The following BRCA1 variants were observed in gnomAD, a reference collection of about 807,000 sequenced individuals.
BRCA1 encodes the protein BRCA1 DNA repair associated, also known as breast cancer type 1 susceptibility protein.
A neutral mutation model predicts 173.7 loss-of-function variants in BRCA1; 140 were observed. That is an observed-to-expected ratio of 0.81 (90% CI 0.70 to 0.93). The LOEUF (loss-of-function observed/expected upper bound fraction) is 0.93. Among genes scored for constraint, BRCA1 ranks in the 40% least tolerant of loss-of-function variants. The pLI, the probability that BRCA1 is intolerant of heterozygous loss-of-function variation, is 0.00. For synonymous variants in BRCA1, 662 were observed against 756.0 expected, an observed-to-expected ratio of 0.88 and a Z score of 2.04; for missense variants, 1,983 against 2,172.5, an observed-to-expected ratio of 0.91 and a Z score of 1.73.
At chr17:43,117,295 A>C (rs2055339463) in intron 2 of BRCA1, among the ~76,000 whole-genome samples, 1 of 152,106 alleles carries the variant, frequency 6.6e-6, no homozygotes, top group Non-Finnish European at 1.5e-5. Flanking sequence ...TACAAAAATT[A>C]GCCGGGCGTG....
intron 1 of BRCA1, among the ~76,000 whole-genome samples, chr17:43,146,299 C>CTTTTTTT (rs774223347): frequency 5.3e-5 from 4 of 76,116 alleles, no homozygotes; most frequent in Non-Finnish European, 7.0e-5. Flanking sequence ...ATTTTTGTTA[C>CTTTTTTT]TTTTTTTTTT....
intron 7 of BRCA1, 132 bp from the exon 8 acceptor site, chr17:43,097,421 G>T: frequency 1.3e-6 from 1 of 798,022 alleles, no homozygotes; most frequent in African/African-American, 1.7e-5. Flanking sequence ...CAGGTACAAT[G>T]CTAGTTAAGC....
chr17:43,170,136 G>A, exon 1 of BRCA1: 1 of 259,532 alleles, frequency 3.9e-6, no homozygotes, highest in Non-Finnish European at 8.0e-6. Context: ...CGGATGAAGT[G>A]AGGGTCTCAC....
intron 1 of BRCA1, among the ~76,000 whole-genome samples, chr17:43,135,376 G>A (rs759397624): frequency 1.3e-4 from 20 of 152,226 alleles, no homozygotes; most frequent in Non-Finnish European, 1.9e-4. Flanking sequence ...TGATTAGGAC[G>A]CGTTGCTGTG....
intron 16 of BRCA1, among the ~76,000 whole-genome samples, chr17:43,066,491 A>G (rs2052076547): frequency 6.6e-6 from 1 of 152,042 alleles, no homozygotes; most frequent in Non-Finnish European, 1.5e-5. Context: ...GCTGACTGCA[A>G]CCTCAGCCTC....
At chr17:43,075,798 T>C (rs951484179) in intron 13 of BRCA1, among the ~76,000 whole-genome samples, 2 of 152,106 alleles carry the variant, frequency 1.3e-5, no homozygotes, top group African/African-American at 2.4e-5. Flanking sequence ...CCTGTGTTAA[T>C]AGTGGTGTAA....
chr17:43,052,657 CA>C (rs2051287857), intron 19 of BRCA1, among the ~76,000 whole-genome samples: 1 of 151,848 alleles, frequency 6.6e-6, no homozygotes, highest in South Asian at 2.1e-4. Flanking sequence ...AGAAAATTGC[CA>C]AGGCCTAAAA....
intron 3 of BRCA1, among the ~76,000 whole-genome samples, chr17:43,114,655 A>G (rs1306379155): frequency 2.0e-5 from 3 of 152,192 alleles, no homozygotes; most frequent in Non-Finnish European, 4.4e-5. Flanking sequence ...ACAGGGAGGC[A>G]GGGGTTGTAG....
intron 1 of BRCA1, among the ~76,000 whole-genome samples, chr17:43,151,564 T>C (rs1221026725): frequency 6.6e-6 from 1 of 152,224 alleles, no homozygotes; most frequent in East Asian, 1.9e-4. Context: ...TAAATACATC[T>C]TTGTGCTAAA....
rs397507199 is a variant in BRCA1, at chr17:43,093,202, A to T, written c.2329T>A (p.Tyr777Asn). Residue 777 changes from tyrosine (Y) to asparagine (N), a missense_variant, in exon 10 of 23, where the codon TAT (tyrosine) becomes AAT (asparagine). By Grantham distance (143) the Tyr-to-Asn change is moderately radical. Transcript: ENST00000357654. Reference protein sequence around the residue: ...SSISLVPGTDYGTQESISLLE... With the variant: ...SSISLVPGTDNGTQESISLLE... Reference sequence around the variant, plus strand: ...AACGAGATACTTTCCTGAGTGCCATAATCAGTACCAGGTACCAATGAAATA... The same window carrying T: ...AACGAGATACTTTCCTGAGTGCCATTATCAGTACCAGGTACCAATGAAATA... 1 of 1,613,998 alleles carries T rather than the reference A, an allele frequency of 6.2e-7. No individual in the cohort carries two copies.
Position 43,093,755 on chromosome 17 carries a change from G to A in BRCA1, c.1776C>T (p.Ser592=), listed in dbSNP as rs876658911. ...TKAEPISSSI[S]NMELELNIHN... ...GGATATTTAATTCGAGTTCCATATTGCTTATACTGCTGCTTATAGGTTCAG... is the reference window on the plus strand; with the variant it reads ...GGATATTTAATTCGAGTTCCATATTACTTATACTGCTGCTTATAGGTTCAG... Residue 592 remains serine (S), a synonymous_variant, in exon 10 of 23, where the codon AGC becomes AGT. Coordinates refer to ENST00000357654, the MANE Select transcript of BRCA1 (RefSeq NM_007294.4). 1 of 1,613,912 alleles carries A rather than the reference G, an allele frequency of 6.2e-7. No individual in the cohort carries two copies.
At chr17:43,068,260 G>A (rs1185535485) in intron 15 of BRCA1, among the ~76,000 whole-genome samples, 5 of 149,454 alleles carry the variant, frequency 3.3e-5, no homozygotes, top group African/African-American at 1.2e-4. Context: ...CTGGGCGAGA[G>A]TGCGAGACTC....
intron 1 of BRCA1, among the ~76,000 whole-genome samples, chr17:43,134,850 GCAGAGATAAAAGGGATACTTTCCTAACC>G (rs1168200921): frequency 1.3e-5 from 2 of 152,314 alleles, no homozygotes; most frequent in African/African-American, 4.8e-5. Flanking sequence ...TCTGACCTTT[GCAGAGATAAAAGGGATACTTTCCTAACC>G]CAGAGAGGCC....
rs542262166 is a variant in BRCA1, at chr17:43,111,678, T to C, written c.134+4048A>G. Among the ~76,000 whole-genome samples, 7 of 151,242 alleles carry C rather than the reference T, an allele frequency of 4.6e-5. No homozygotes were observed. In the East Asian group the frequency reaches 1.2e-3, roughly 25 times the overall value. On this transcript the variant is annotated intron_variant, in intron 3 of 22. Transcript: ENST00000357654. ...CTACTAAAAATACAAAAAAATTAGC[T>C]GGGCGTGGTGGCAGGCGTCTGTAGT...
intron 11 of BRCA1, chr17:43,082,796 TC>T (rs2053081703): frequency 1.7e-6 from 1 of 583,844 alleles, no homozygotes; most frequent in South Asian, 2.1e-5. Context: ...ATCCTCAAAT[TC>T]CCCCAAATAG....
At chr17:43,161,367 A>G (rs1336410230) in intron 1 of BRCA1, 1 of 152,214 alleles carries the variant, frequency 6.6e-6, no homozygotes, top group Non-Finnish European at 1.5e-5. Context: ...GGGGCCATTT[A>G]TCATTGTTTC....
At chr17:43,109,898 CTTT>C (rs879354024) in intron 3 of BRCA1, among the ~76,000 whole-genome samples, 2 of 141,670 alleles carry the variant, frequency 1.4e-5, no homozygotes, top group South Asian at 2.3e-4. Flanking sequence ...GGATTCGAAT[CTTT>C]TTTTTTTTTT....
chr17:43,169,524 CAGG>C (rs1229962089), intron 1 of BRCA1, among the ~76,000 whole-genome samples: 1 of 152,198 alleles, frequency 6.6e-6, no homozygotes, highest in African/African-American at 2.4e-5. Flanking sequence ...CAGTTCCTAT[CAGG>C]AGGATTCCTC....
intron 2 of BRCA1, among the ~76,000 whole-genome samples, chr17:43,123,785 G>A (rs8176080): frequency 2.8e-3 from 419 of 152,310 alleles, no homozygotes; most frequent in Admixed American, 5.7e-3. Context: ...TGTCTTTCCC[G>A]GACCACAGGA....
Sources: allele counts gnomAD v4.1 joint callset (sites outside exome capture counted in the v4.1 genomes callset), GRCh38; gene constraint gnomAD v4.1.1; transcripts MANE v1.5; gene names NCBI Gene and HGNC (gene_info 2026-07-23, HGNC 2026-07-21).